The following NNT variants were observed in gnomAD, a reference collection of about 807,000 sequenced individuals.
NNT encodes NAD(P) transhydrogenase, mitochondrial.
Under a neutral mutation model 104.8 loss-of-function variants are expected in NNT, and 50 were observed. That is an observed-to-expected ratio of 0.48 (90% CI 0.38 to 0.60). The LOEUF is 0.60. NNT is among the 20% of genes least tolerant of loss of function. NNT has a pLI of 0.00. For missense variants in NNT, 1,131 were observed against 1,330.7 expected, an observed-to-expected ratio of 0.85 and a Z score of 2.33; for synonymous variants, 461 against 490.4, an observed-to-expected ratio of 0.94 and a Z score of 0.79.
intron 17 of NNT, 101 bp from the exon 18 acceptor site, chr5:43,675,410 A>C: frequency 9.3e-7 from 1 of 1,073,476 alleles, no homozygotes; most frequent in Non-Finnish European, 1.3e-6. Context: ...TGATCAAATA[A>C]ACCTTTTAAA....
intron 17 of NNT, among the ~76,000 whole-genome samples, chr5:43,660,176 T>G (rs1561299370): frequency 6.6e-6 from 1 of 152,236 alleles, no homozygotes; most frequent in Non-Finnish European, 1.5e-5. Context: ...GATTTTTGTC[T>G]TAAGATAGAT....
chr5:43,683,916 C>T (rs77624942), intron 19 of NNT, among the ~76,000 whole-genome samples: 2,194 of 152,058 alleles, frequency 0.014, 48 homozygotes, highest in African/African-American at 0.05. Context: ...TTTGGTTAAG[C>T]GATGGGAAAG....
chr5:43,607,301 C>T (rs1268859874), intron 1 of NNT, among the ~76,000 whole-genome samples: 1 of 152,156 alleles, frequency 6.6e-6, no homozygotes, highest in African/African-American at 2.4e-5. Context: ...GACATTCCAC[C>T]ATTGTGATTT....
Position 43,667,838 on chromosome 5 carries a change from C to T in NNT, c.2635-7673C>T, listed in dbSNP as rs191345597. ...TTCTAGTTCTAGATCCTTGAGGAAT[C>T]GCCACACTGTCTTCCTCAATGGTTG... On this transcript the variant is annotated intron_variant, in intron 17 of 21. Transcript: ENST00000344920. Among the ~76,000 whole-genome samples, 1,235 of 152,294 alleles carry T rather than the reference C, an allele frequency of 8.1e-3. 14 individuals carry two copies. Among genetic ancestry groups the T allele is most frequent in the Non-Finnish European group, 0.013 (874 of 68,028 alleles).
At chr5:43,609,483 T>A in intron 2 of NNT, 137 bp downstream of exon 2, 1 of 761,726 alleles carries the variant, frequency 1.3e-6, no homozygotes, top group Non-Finnish European at 2.1e-6. Context: ...AAACAACAAG[T>A]AAGTGCTATC....
chr5:43,624,135 A>G lies in NNT; in HGVS notation c.776+15A>G, dbSNP rs1279416268. 1 of 1,611,690 alleles carries G rather than the reference A, an allele frequency of 6.2e-7. No individual in the cohort carries two copies. Among genetic ancestry groups the G allele is most frequent in the Non-Finnish European group, 8.5e-7 (1 of 1,177,760 alleles). The stretch of plus-strand genomic sequence containing the variant: ...TTTGACACAAGGTGAGTGCTTTACT[A>G]GTGACTGATGTTAAGGTAAAAACAT... On this transcript the variant is annotated intron_variant, in intron 6 of 21. Coordinates refer to ENST00000344920, the MANE Select transcript of NNT (RefSeq NM_182977.3).
chr5:43,671,268 A>T (rs1376607706), intron 17 of NNT, among the ~76,000 whole-genome samples: 1 of 152,198 alleles, frequency 6.6e-6, no homozygotes, highest in Non-Finnish European at 1.5e-5. Flanking sequence ...TAATTGGAGC[A>T]TTTAGCCCAT....
At chr5:43,617,367 C>T (rs1461720511) in intron 4 of NNT, among the ~76,000 whole-genome samples, 2 of 152,162 alleles carry the variant, frequency 1.3e-5, no homozygotes, top group African/African-American at 2.4e-5. Context: ...CAGAAACATT[C>T]CTACTCTCCA....
intron 19 of NNT, among the ~76,000 whole-genome samples, chr5:43,690,104 T>A (rs546088012): frequency 6.6e-6 from 1 of 152,266 alleles, no homozygotes; most frequent in South Asian, 2.1e-4. Flanking sequence ...GAGGGAATAA[T>A]CGAGGAAAAC....
intron 12 of NNT, 74 bp downstream of exon 12, chr5:43,650,661 T>C (rs1360193131): frequency 8.9e-7 from 1 of 1,129,928 alleles, no homozygotes; most frequent in East Asian, 2.4e-5. Context: ...CCATATAAAA[T>C]AGACATAATT....
In NNT at chr5:43,703,729, C is replaced by A. The variant is rs567270248; in HGVS notation, c.3112-526C>A. On this transcript the variant is annotated intron_variant, in intron 21 of 21. Coordinates refer to ENST00000344920, the MANE Select transcript of NNT (RefSeq NM_182977.3). Reference sequence around the variant, plus strand: ...CCTCTTCCATTTTGATTTATAGGAACATTCTGTTAGTTATAGCTCTGCTAT... The same window carrying A: ...CCTCTTCCATTTTGATTTATAGGAAAATTCTGTTAGTTATAGCTCTGCTAT... Among the ~76,000 whole-genome samples the A allele has an allele frequency of 3.9e-5, 6 of 152,252 alleles. No individual in the cohort carries two copies. The South Asian group carries it at 1.0e-3, about 26-fold the overall frequency.
Position 43,656,764 on chromosome 5 carries a change from C to T in NNT, c.2405C>T (p.Thr802Ile), listed in dbSNP as rs140749782. ...CCATTCATGGTGGACCCAAGCTTTA[C>T]TACTGGCATCACCTGTCTGGGTTCA... The part of the protein sequence containing the change: ...IIPFMVDPSF[T>I]TGITCLGSVS... The change falls in exon 16 of 22, where the codon ACT (threonine) becomes ATT (isoleucine). Residue 802 changes from threonine (T) to isoleucine (I), a missense_variant. Physicochemically the swap from Thr to Ile is moderately conservative, Grantham distance 89. Coordinates refer to ENST00000344920, the MANE Select transcript of NNT (RefSeq NM_182977.3). 5.8e-5 allele frequency: 94 copies of T among 1,614,164 alleles called. No individual in the cohort carries two copies. In the African/African-American group the frequency reaches 9.1e-4, roughly 16 times the overall value.
chr5:43,675,646 G>T lies in NNT; in HGVS notation c.2770G>T (p.Ala924Ser). ...CAATGCAATTGACATGATTCGAGAA[G>T]CTAATAGCATTATTATTACACCAGG... ...LDNAIDMIRE[A>S]NSIIITPGYG... Residue 924 changes from alanine to serine, a missense_variant, in exon 18 of 22, where the codon GCT becomes TCT. Transcript: ENST00000344920. The T allele has an allele frequency of 6.2e-7, 1 of 1,606,692 alleles. No individual in the cohort carries two copies. The highest frequency in any genetic ancestry group is 8.5e-7 in the Non-Finnish European group (1 of 1,177,008).
intron 19 of NNT, among the ~76,000 whole-genome samples, chr5:43,685,452 T>C (rs1193660545): frequency 6.6e-6 from 1 of 152,102 alleles, no homozygotes; most frequent in Non-Finnish European, 1.5e-5. Flanking sequence ...TCACAAAACA[T>C]GTAAGCAAAT....
chr5:43,659,113 G>T (rs150434490), intron 16 of NNT, 58 bp from the exon 17 acceptor site: 1 of 1,464,968 alleles, frequency 6.8e-7, no homozygotes, highest in Non-Finnish European at 9.2e-7. Context: ...AATGTTAAAT[G>T]TCAGAGGTTT....
At chr5:43,635,931 C>A (rs1254950747) in intron 7 of NNT, among the ~76,000 whole-genome samples, 1 of 152,142 alleles carries the variant, frequency 6.6e-6, no homozygotes, top group Non-Finnish European at 1.5e-5. Context: ...CAGCCCATAA[C>A]AAATGTAGAT....
At position 43,649,216 on chromosome 5, in the gene NNT, T is replaced by C. The variant is rs1193598004; in HGVS notation, c.1514T>C (p.Phe505Ser). The change falls in exon 11 of 22, where the codon TTT becomes TCT. Residue 505 changes from phenylalanine to serine, a missense_variant. Coordinates refer to ENST00000344920, the MANE Select transcript of NNT (RefSeq NM_182977.3). ...GCCTTTTCTCAGATGGTGACCACTT[T>C]TGGCTTGGCTGGCATTGTGGGGTAT... ...NLAFSQMVTT[F>S]GLAGIVGYHT... The C allele has an allele frequency of 6.2e-7, 1 of 1,614,206 alleles. No individual in the cohort carries two copies. Among genetic ancestry groups the C allele is most frequent in the Non-Finnish European group, 8.5e-7 (1 of 1,180,026 alleles).
chr5:43,646,372 A>G (rs1430980841), intron 10 of NNT, among the ~76,000 whole-genome samples: 1 of 152,078 alleles, frequency 6.6e-6, no homozygotes, highest in Non-Finnish European at 1.5e-5. Flanking sequence ...CATAGCCTCA[A>G]CTTCCTGGGG....
At chr5:43,650,227 G>T (rs1450389520) in intron 11 of NNT, among the ~76,000 whole-genome samples, 1 of 152,192 alleles carries the variant, frequency 6.6e-6, no homozygotes, top group East Asian at 1.9e-4. Flanking sequence ...AATGCAGAAG[G>T]AGAAAAAGTT....
Sources: gnomAD v4.1 joint callset for allele counts (sites outside exome capture counted in the v4.1 genomes callset) on GRCh38, gnomAD v4.1.1 for gene constraint, MANE v1.5 for transcripts, NCBI Gene and HGNC (gene_info 2026-07-23, HGNC 2026-07-21) for gene names.